NXPE3: variants seen among roughly 807,000 people sequenced by gnomAD.
NXPE3 encodes the protein neurexophilin and PC-esterase domain family member 3.
Under a neutral mutation model 46.1 loss-of-function variants are expected in NXPE3, and 26 were observed. The ratio of observed to expected loss-of-function variants is 0.56; its 90% CI spans 0.41 to 0.78. The LOEUF is 0.78. Among genes scored for constraint, NXPE3 ranks in the 30% least tolerant of loss-of-function variants. NXPE3 has a pLI of 0.00. For missense variants in NXPE3, 620 were observed against 686.0 expected (o/e 0.90, Z 1.07); for synonymous variants, 272 against 257.9 (o/e 1.05, Z -0.52).
intron 4 of NXPE3, among the ~76,000 whole-genome samples, chr3:101,792,302 A>T (rs959341983): frequency 1.3e-5 from 2 of 152,050 alleles, no homozygotes; most frequent in African/African-American, 4.8e-5. Flanking sequence ...TTTTGTTGCA[A>T]TTGCTTTTGG....
At position 101,823,110 on chromosome 3, in the gene NXPE3, AG is replaced by A. The variant is rs1441822465; in HGVS notation, c.*1157del. On this transcript the variant is annotated 3_prime_UTR_variant, in exon 8 of 8. Coordinates refer to ENST00000273347, the MANE Select transcript of NXPE3 (RefSeq NM_145037.4). ...AAACGAGTTTAATTTGGGATCATTT[AG>A]TAAGTACTCTTTTCTTTTTGAGCTG... The A allele has an allele frequency of 6.6e-6, 1 of 152,170 alleles. No individual in the cohort carries two copies. The highest frequency in any genetic ancestry group is 1.5e-5 in the Non-Finnish European group (1 of 68,030). The allele number at this position is 152,170 out of a possible 1,614,324, so 9.4% of individuals were successfully genotyped here.
chr3:101,826,240 C>G lies in NXPE3; in HGVS notation c.*4286C>G, dbSNP rs1356835730. On this transcript the variant is annotated 3_prime_UTR_variant, in exon 8 of 8. Coordinates refer to ENST00000273347, the MANE Select transcript of NXPE3 (RefSeq NM_145037.4). ...TTACATGCCAGAAATGAGTCTGTTT[C>G]TGGACCCTGTTCAAGGAAATAGTGA... The G allele has an allele frequency of 6.6e-6, 1 of 152,138 alleles. No individual in the cohort carries two copies. Among genetic ancestry groups the G allele is most frequent in the Non-Finnish European group, 1.5e-5 (1 of 68,042 alleles). The allele number at this position is 152,138 out of a possible 1,614,324, so 9.4% of individuals were successfully genotyped here. A position where few individuals can be genotyped will look rare whatever the true frequency, so the allele number is the denominator to read the frequency against.
In NXPE3 at chr3:101,806,766, G is replaced by A. The variant is rs552527606; in HGVS notation, c.849-287G>A. Among the ~76,000 whole-genome samples the A allele has an allele frequency of 2.6e-5, 4 of 152,312 alleles. No individual in the cohort carries two copies. In the East Asian group the frequency reaches 7.7e-4, roughly 29 times the overall value. On this transcript the variant is annotated intron_variant, in intron 5 of 7. Coordinates refer to ENST00000273347, the MANE Select transcript of NXPE3 (RefSeq NM_145037.4). ...GAGCCATTCTCTGAGTCCAAGGGGAGTACATAATTCAAACCAGAATTGGTC... is the reference window on the plus strand; with the variant it reads ...GAGCCATTCTCTGAGTCCAAGGGGAATACATAATTCAAACCAGAATTGGTC...
intron 4 of NXPE3, among the ~76,000 whole-genome samples, chr3:101,793,946 C>G (rs1940669906): frequency 6.6e-6 from 1 of 151,946 alleles, no homozygotes. Context: ...TTGCCATGCT[C>G]CACCGGGGCT....
At chr3:101,795,600 T>G (rs532768105) in intron 4 of NXPE3, among the ~76,000 whole-genome samples, 14 of 152,176 alleles carry the variant, frequency 9.2e-5, no homozygotes, top group African/African-American at 3.4e-4. Context: ...AGAATTGCAG[T>G]CTTTTATTTC....
rs757576746 is a variant in NXPE3 at position 101,821,692 on chromosome 3, G to A, written c.1418G>A (p.Arg473Gln). The A allele has an allele frequency of 1.2e-5, 19 of 1,614,042 alleles. 1 individual carries two copies. In the South Asian group the frequency reaches 1.2e-4, roughly 10 times the overall value. ...CGAGCAGTGGTTCGGCTCCTCGATCGAAGCCCAAAGACCGTGGTGGTCATC... is the reference window on the plus strand; with the variant it reads ...CGAGCAGTGGTTCGGCTCCTCGATCAAAGCCCAAAGACCGTGGTGGTCATC... ...IRRAVVRLLD[R>Q]SPKTVVVIRT... Residue 473 changes from arginine to glutamine, a missense_variant, in exon 8 of 8, where the codon CGA becomes CAA. Coordinates refer to ENST00000273347, the MANE Select transcript of NXPE3 (RefSeq NM_145037.4).
intron 1 of NXPE3, 105 bp from the exon 2 acceptor site, chr3:101,782,004 GT>G (rs1939852436): frequency 6.6e-6 from 1 of 152,124 alleles, no homozygotes; most frequent in Non-Finnish European, 1.5e-5. Flanking sequence ...ACTATATCAT[GT>G]ATAACTCTCT....
At chr3:101,806,163 CT>C (rs1941407827) in intron 5 of NXPE3, among the ~76,000 whole-genome samples, 1 of 151,994 alleles carries the variant, frequency 6.6e-6, no homozygotes, top group Non-Finnish European at 1.5e-5. Flanking sequence ...GCTTAAGAAG[CT>C]TAAGAATTAT....
intron 4 of NXPE3, among the ~76,000 whole-genome samples, chr3:101,793,876 G>C (rs1273932864): frequency 1.3e-5 from 2 of 151,712 alleles, no homozygotes; most frequent in Non-Finnish European, 2.9e-5. Context: ...TTGCTTTCCT[G>C]TGAATTATAA....
chr3:101,807,321 T>C (rs1299956692), intron 6 of NXPE3, among the ~76,000 whole-genome samples, 195 bp downstream of exon 6: 1 of 152,082 alleles, frequency 6.6e-6, no homozygotes, highest in Non-Finnish European at 1.5e-5. Flanking sequence ...TTATTGTTAT[T>C]TTATTTTTAT....
chr3:101,814,349 A>C (rs1426298524), intron 6 of NXPE3, among the ~76,000 whole-genome samples: 2 of 152,232 alleles, frequency 1.3e-5, no homozygotes, highest in African/African-American at 2.4e-5. Context: ...CAAGCCTAGG[A>C]AATGTTTACC....
At chr3:101,820,839 A>G (rs1479732564) in intron 7 of NXPE3, among the ~76,000 whole-genome samples, 1 of 152,230 alleles carries the variant, frequency 6.6e-6, no homozygotes, top group Non-Finnish European at 1.5e-5. Context: ...TTATGAACAC[A>G]CAGAAGGAAA....
intron 6 of NXPE3, among the ~76,000 whole-genome samples, chr3:101,812,613 C>T (rs1344221238): frequency 6.6e-6 from 1 of 151,830 alleles, no homozygotes; most frequent in African/African-American, 2.4e-5. Flanking sequence ...GGAGATGAGA[C>T]CATTCTGGCT....
At position 101,779,293 on chromosome 3, in the gene NXPE3, C is replaced by G. The variant is rs1457564998; in HGVS notation, c.-529C>G. 6.6e-6 allele frequency: 1 copy of G among 152,398 alleles called. No individual in the cohort carries two copies. Among genetic ancestry groups the G allele is most frequent in the Non-Finnish European group, 1.5e-5 (1 of 68,206 alleles). 9.4% of individuals were successfully genotyped at this position (152,398 alleles called of 1,614,324 possible). A position where few individuals can be genotyped will look rare whatever the true frequency, so the allele number is the denominator to read the frequency against. ...GACCGGGGCGTCAGGATCCCTGGCC[C>G]CCGGAGAGCGAAGGGCGGGCGGGTC... On this transcript the variant is annotated 5_prime_UTR_variant, in exon 1 of 8. Coordinates refer to ENST00000273347, the MANE Select transcript of NXPE3 (RefSeq NM_145037.4).
In NXPE3 at chr3:101,827,345, C is replaced by G. The variant is rs1942537574; in HGVS notation, c.*5391C>G. ...TGGTTCATTTGCTGTTAAATCTACC[C>G]CATTACCATTCCCCTTACTCCTTGA... On this transcript the variant is annotated 3_prime_UTR_variant, in exon 8 of 8. Coordinates refer to ENST00000273347, the MANE Select transcript of NXPE3 (RefSeq NM_145037.4). 6.6e-6 allele frequency: 1 copy of G among 152,168 alleles called. No homozygotes were observed. The highest frequency in any genetic ancestry group is 2.4e-5 in the African/African-American group (1 of 41,422). 9.4% of individuals were successfully genotyped at this position (152,168 alleles called of 1,614,324 possible). A position where few individuals can be genotyped will look rare whatever the true frequency, so the allele number is the denominator to read the frequency against.
chr3:101,797,174 A>G (rs1315119936), intron 4 of NXPE3, among the ~76,000 whole-genome samples: 1 of 152,166 alleles, frequency 6.6e-6, no homozygotes, highest in Non-Finnish European at 1.5e-5. Context: ...TCCCCTCCCC[A>G]TTCTTTACTC....
intron 4 of NXPE3, among the ~76,000 whole-genome samples, chr3:101,791,536 C>T (rs1173693422): frequency 6.6e-6 from 1 of 152,158 alleles, no homozygotes; most frequent in Non-Finnish European, 1.5e-5. Context: ...CAGATGTCCA[C>T]CACCACGTCT....
At chr3:101,779,743 C>G (rs1253704875) in intron 1 of NXPE3, 1 of 152,622 alleles carries the variant, frequency 6.6e-6, no homozygotes, top group Non-Finnish European at 1.5e-5. Context: ...GGCACCTTCA[C>G]TAACCCGGTG....
intron 4 of NXPE3, among the ~76,000 whole-genome samples, chr3:101,800,107 ATTG>A (rs1475750317): frequency 3.3e-5 from 5 of 151,886 alleles, no homozygotes; most frequent in South Asian, 4.1e-4. Flanking sequence ...TATTTTGGAT[ATTG>A]TTTGCTCTTC....
Sources: gnomAD v4.1 joint callset for allele counts (sites outside exome capture counted in the v4.1 genomes callset) on GRCh38, gnomAD v4.1.1 for gene constraint, MANE v1.5 for transcripts, NCBI Gene and HGNC (gene_info 2026-07-23, HGNC 2026-07-21) for gene names.